The following ASTN2 variants were observed in gnomAD, a reference collection of about 807,000 sequenced individuals.
ASTN2 encodes astrotactin-2.
In ASTN2, 54 loss-of-function variants were observed where a neutral mutation model predicts 139.8. The observed-to-expected ratio is 0.39, with a 90% CI of 0.31 to 0.48. The LOEUF (loss-of-function observed/expected upper bound fraction) is 0.48, where lower values mean the gene tolerates loss of function less well. Ranked by LOEUF, ASTN2 falls within the 20% of genes least tolerant of loss-of-function variation. The pLI is 0.95. For synonymous variants in ASTN2, 756 were observed against 719.5 expected (o/e 1.05, Z -0.81); for missense variants, 1,565 against 1,725.1 (o/e 0.91, Z 1.64).
At chr9:116,565,417 A>ATT (rs1853171705) in intron 19 of ASTN2, among the ~76,000 whole-genome samples, 4 of 107,190 alleles carry the variant, frequency 3.7e-5, no homozygotes, top group East Asian at 5.5e-4. Flanking sequence ...ATATATATAT[A>ATT]TATATATATA....
intron 1 of ASTN2, among the ~76,000 whole-genome samples, chr9:117,351,405 CA>C (rs1012319859): frequency 5.9e-5 from 9 of 151,984 alleles, no homozygotes; most frequent in African/African-American, 9.6e-5. Context: ...TGAAACAAAA[CA>C]AAAAAAATCT....
At chr9:116,481,309 G>A (rs1315238767) in intron 20 of ASTN2, among the ~76,000 whole-genome samples, 1 of 152,198 alleles carries the variant, frequency 6.6e-6, no homozygotes, top group Non-Finnish European at 1.5e-5. Flanking sequence ...GAGCCTGGGA[G>A]ATTGAGGCTG....
chr9:117,325,217 C>G (rs1212564030), intron 1 of ASTN2, among the ~76,000 whole-genome samples: 1 of 152,168 alleles, frequency 6.6e-6, no homozygotes, highest in African/African-American at 2.4e-5. Flanking sequence ...AGACTCTGGC[C>G]AGTCCAACAC....
chr9:116,961,910 G>C (rs1275078611), intron 10 of ASTN2, among the ~76,000 whole-genome samples: 2 of 152,210 alleles, frequency 1.3e-5, no homozygotes, highest in Non-Finnish European at 2.9e-5. Flanking sequence ...AATGCATCAT[G>C]CATCAATTCA....
intron 10 of ASTN2, among the ~76,000 whole-genome samples, chr9:116,941,460 G>C (rs1413021834): frequency 6.6e-6 from 1 of 151,994 alleles, no homozygotes; most frequent in Non-Finnish European, 1.5e-5. Flanking sequence ...GTCCTAGTTT[G>C]AGGGCTGCCA....
chr9:116,461,590 A>AT (rs1268866861), intron 20 of ASTN2, among the ~76,000 whole-genome samples: 3 of 151,636 alleles, frequency 2.0e-5, no homozygotes, highest in Admixed American at 6.6e-5. Flanking sequence ...GGACCATGTG[A>AT]TTTTTTTCCA....
chr9:117,241,420 A>G (rs1833202239), intron 2 of ASTN2, among the ~76,000 whole-genome samples: 1 of 152,138 alleles, frequency 6.6e-6, no homozygotes, highest in African/African-American at 2.4e-5. Context: ...ATAGAGCAGC[A>G]TTTCCCAACC....
rs138698352 is a variant in ASTN2 at position 116,798,140 on chromosome 9, G to A, written c.2396+7492C>T. On this transcript the variant is annotated intron_variant, in intron 13 of 22. Coordinates refer to ENST00000313400, the MANE Select transcript of ASTN2 (RefSeq NM_001365068.1). ...ACAAAAACTAGCTGGGCATGGTGGC[G>A]CACGCCTGTAATCCCAGCTACTCTG... Among the ~76,000 whole-genome samples the A allele has an allele frequency of 3.0e-3, 451 of 152,254 alleles. 1 individual carries two copies. The highest frequency in any genetic ancestry group is 4.8e-3 in the Non-Finnish European group (324 of 68,024).
chr9:116,472,798 A>C (rs893638646), intron 20 of ASTN2, among the ~76,000 whole-genome samples: 1 of 151,828 alleles, frequency 6.6e-6, no homozygotes, highest in African/African-American at 2.4e-5. Context: ...CGGAGGGGGC[A>C]CACCTGTAAT....
chr9:116,641,095 T>C (rs2131892796), intron 17 of ASTN2, among the ~76,000 whole-genome samples: 1 of 152,292 alleles, frequency 6.6e-6, no homozygotes, highest in South Asian at 2.1e-4. Flanking sequence ...AGTACAGTGG[T>C]CTGCAAGGGT....
chr9:116,906,673 T>TTGTTTC, intron 10 of ASTN2, among the ~76,000 whole-genome samples: 3 of 151,958 alleles, frequency 2.0e-5, no homozygotes, highest in Middle Eastern at 3.4e-3. Context: ...GACCTTGTTT[T>TTGTTTC]TGTTTTTTGG....
intron 17 of ASTN2, among the ~76,000 whole-genome samples, chr9:116,636,939 G>A (rs1857104139): frequency 1.3e-5 from 2 of 152,160 alleles, no homozygotes. Context: ...TAAAGCAAGT[G>A]CTCTTTTGCC....
chr9:117,005,975 C>G (rs958036875), intron 7 of ASTN2, among the ~76,000 whole-genome samples: 10 of 152,156 alleles, frequency 6.6e-5, no homozygotes, highest in Non-Finnish European at 1.3e-4. Flanking sequence ...CAGCACCAGA[C>G]TGATGGTCAG....
intron 2 of ASTN2, among the ~76,000 whole-genome samples, chr9:117,246,136 T>A (rs1001222136): frequency 7.1e-6 from 1 of 141,344 alleles, no homozygotes; most frequent in African/African-American, 2.6e-5. Context: ...AATCTGGAAT[T>A]GAAAACAAAC....
chr9:116,946,838 C>CTTT (rs1835408287), intron 10 of ASTN2, among the ~76,000 whole-genome samples: 1 of 147,492 alleles, frequency 6.8e-6, no homozygotes, highest in Non-Finnish European at 1.5e-5. Flanking sequence ...CCACCTTTAT[C>CTTT]TTTTAAGGCT....
chr9:116,979,712 G>A (rs1453459068), intron 7 of ASTN2, among the ~76,000 whole-genome samples: 2 of 152,104 alleles, frequency 1.3e-5, no homozygotes, highest in African/African-American at 4.8e-5. Flanking sequence ...GGTTACCTCT[G>A]GCAAAGGAGC....
chr9:116,855,007 A>T (rs946894109), intron 11 of ASTN2, among the ~76,000 whole-genome samples: 1 of 152,120 alleles, frequency 6.6e-6, no homozygotes, highest in East Asian at 1.9e-4. Context: ...GGTAAAACCC[A>T]TCACTTTGGA....
chr9:116,694,387 T>C (rs803936), intron 16 of ASTN2, among the ~76,000 whole-genome samples: 142,376 of 151,528 alleles, frequency 0.94, 66,962 homozygotes, highest in African/African-American at 0.98. Context: ...TTGTCCCAGA[T>C]GATAGAAGAG....
intron 11 of ASTN2, among the ~76,000 whole-genome samples, chr9:116,845,397 T>C (rs1832398793): frequency 6.6e-6 from 1 of 152,184 alleles, no homozygotes; most frequent in African/African-American, 2.4e-5. Flanking sequence ...CATTCCTTTC[T>C]TGTGGAGGCA....
Sources: gnomAD v4.1 joint callset for allele counts (sites outside exome capture counted in the v4.1 genomes callset) on GRCh38, gnomAD v4.1.1 for gene constraint, MANE v1.5 for transcripts, NCBI Gene and HGNC (gene_info 2026-07-23, HGNC 2026-07-21) for gene names.